ST8SIA4: variants seen among roughly 807,000 people sequenced by gnomAD.
ST8SIA4 encodes the protein CMP-N-acetylneuraminate-poly-alpha-2,8-sialyltransferase.
ST8SIA4 carries 15 observed loss-of-function variants against 33.9 expected under a neutral mutation model. The observed-to-expected ratio is 0.44, with a 90% CI of 0.30 to 0.68. The LOEUF (loss-of-function observed/expected upper bound fraction) is 0.68. Ranked by LOEUF, ST8SIA4 falls within the 30% of genes least tolerant of loss-of-function variation. ST8SIA4 has a pLI of 0.10. For missense variants in ST8SIA4, 321 were observed against 428.0 expected (o/e 0.75, Z 2.21); for synonymous variants, 171 against 151.2 (o/e 1.13, Z -0.96).
In ST8SIA4 at chr5:100,863,083, T is replaced by C. The variant is rs142786829; in HGVS notation, c.504-6687A>G. ...AAGTGAAGGTTTCATCTTTTCTCAG[T>C]CTTCTGTAAATCCTCCTCCCCAAAG... On this transcript the variant is annotated intron_variant, in intron 3 of 4. Coordinates refer to ENST00000231461, the MANE Select transcript of ST8SIA4 (RefSeq NM_005668.6). Among the ~76,000 whole-genome samples the C allele has an allele frequency of 8.0e-3, 1,222 of 152,292 alleles. 9 individuals carry two copies. The highest frequency in any genetic ancestry group is 0.022 in the African/African-American group (931 of 41,556).
At position 100,877,348 on chromosome 5, in the gene ST8SIA4, T is replaced by C. The variant is rs553737735; in HGVS notation, c.503+8995A>G. 7.2e-5 allele frequency among the ~76,000 whole-genome samples: 11 copies of C among 152,274 alleles called. No individual in the cohort carries two copies. In the South Asian group the frequency reaches 2.3e-3, roughly 32 times the overall value. On this transcript the variant is annotated intron_variant, in intron 3 of 4. Transcript: ENST00000231461. ...CTATTTCAAGAAAGAATAATGAGGA[T>C]TGATTAAATTTGAAGCAAAAATTCT...
At chr5:100,886,147 T>C (rs1194238461) in intron 3 of ST8SIA4, 196 bp downstream of exon 3, 1 of 1,367,420 alleles carries the variant, frequency 7.3e-7, no homozygotes, top group Non-Finnish European at 9.4e-7. Flanking sequence ...CAGGATCACT[T>C]TTTCTTTCAA....
rs868733908 is a variant in ST8SIA4 at position 100,886,568 on chromosome 5, C to T, written c.278G>A (p.Arg93Gln). ...KNILRFLDAE[R>Q]DVSVVKSSFK... ...ACTGCTCTTGACCACTGACACATCT[C>T]GTTCTGCATCTAAGAAACGAAGTAT... Residue 93 changes from arginine to glutamine, a missense_variant, in exon 3 of 5, where the codon CGA becomes CAA. Coordinates refer to ENST00000231461, the MANE Select transcript of ST8SIA4 (RefSeq NM_005668.6). The T allele has an allele frequency of 1.2e-6, 2 of 1,613,684 alleles. No homozygotes were observed. Among genetic ancestry groups the T allele is most frequent in the Non-Finnish European group, 1.7e-6 (2 of 1,179,666 alleles).
intron 3 of ST8SIA4, among the ~76,000 whole-genome samples, chr5:100,878,036 T>A (rs536834134): frequency 3.9e-5 from 6 of 152,304 alleles, no homozygotes; most frequent in Non-Finnish European, 5.9e-5. Flanking sequence ...GTTTGGTTCA[T>A]CATTAATATT....
rs574892055 is a variant in ST8SIA4, at chr5:100,832,713, T to C, written c.798-20584A>G. Among the ~76,000 whole-genome samples, 13 of 152,248 alleles carry C rather than the reference T, an allele frequency of 8.5e-5. No individual in the cohort carries two copies. In the East Asian group the frequency reaches 2.1e-3, roughly 25 times the overall value. ...CAAATTAACCTCTAAAATGTTCTTA[T>C]AGGCTCCTGTTACATCATTCGAGGC... On this transcript the variant is annotated intron_variant, in intron 4 of 4. Transcript: ENST00000231461.
intron 1 of ST8SIA4, among the ~76,000 whole-genome samples, chr5:100,897,475 G>A (rs959960266): frequency 4.0e-5 from 6 of 151,788 alleles, no homozygotes; most frequent in Non-Finnish European, 7.4e-5. Flanking sequence ...TCTTTACATC[G>A]CCTTTTACTT....
intron 4 of ST8SIA4, among the ~76,000 whole-genome samples, chr5:100,846,932 C>A (rs1751584341): frequency 6.6e-6 from 1 of 152,050 alleles, no homozygotes; most frequent in Non-Finnish European, 1.5e-5. Context: ...ATAACGGGAT[C>A]TGCTAGGAAA....
chr5:100,814,073 G>A (rs147886814), intron 4 of ST8SIA4, among the ~76,000 whole-genome samples: 2 of 152,098 alleles, frequency 1.3e-5, no homozygotes, highest in East Asian at 3.9e-4. Flanking sequence ...TGTAACTATG[G>A]TTGCTCATTG....
chr5:100,829,937 A>C lies in ST8SIA4; in HGVS notation c.798-17808T>G, dbSNP rs565121232. 3.7e-3 allele frequency among the ~76,000 whole-genome samples: 557 copies of C among 152,018 alleles called. 2 individuals are homozygous for C. Among genetic ancestry groups the C allele is most frequent in the African/African-American group, 0.013 (532 of 41,488 alleles). On this transcript the variant is annotated intron_variant, in intron 4 of 4. Transcript: ENST00000231461. ...AAAAAAAAAAAAGAATTACTACAAC[A>C]CTTCTATCTAGCAACATATTCTTCT...
chr5:100,887,743 T>G (rs1338220828), intron 2 of ST8SIA4, among the ~76,000 whole-genome samples: 1 of 152,034 alleles, frequency 6.6e-6, no homozygotes, highest in Non-Finnish European at 1.5e-5. Flanking sequence ...ATGTTGTTCT[T>G]GAATAATTGT....
chr5:100,820,310 G>A (rs888427578), intron 4 of ST8SIA4, among the ~76,000 whole-genome samples: 2 of 152,076 alleles, frequency 1.3e-5, no homozygotes, highest in Admixed American at 6.6e-5. Context: ...ATAACATGCA[G>A]CATTTCTCTT....
chr5:100,886,284 A>G, intron 3 of ST8SIA4, 59 bp downstream of exon 3: 1 of 1,568,252 alleles, frequency 6.4e-7, no homozygotes, highest in Non-Finnish European at 8.6e-7. Context: ...ACAGTTTTCC[A>G]CCCCCAAGTA....
intron 4 of ST8SIA4, among the ~76,000 whole-genome samples, chr5:100,826,244 G>A (rs765063354): frequency 4.6e-5 from 7 of 151,964 alleles, no homozygotes; most frequent in African/African-American, 9.7e-5. Flanking sequence ...TCCCCTATTC[G>A]TTGTTTCTTC....
At chr5:100,841,941 T>G (rs1011746188) in intron 4 of ST8SIA4, among the ~76,000 whole-genome samples, 1 of 151,892 alleles carries the variant, frequency 6.6e-6, no homozygotes, top group African/African-American at 2.4e-5. Context: ...CTGGTTTTGT[T>G]GCTTGAGGAA....
rs866273378 is a variant in ST8SIA4, at chr5:100,876,118, A to G, written c.503+10225T>C. ...GTATTTAATAATACCAGAAATACAG[A>G]TGTTATCTGAAGGATAAAAGAAATT... On this transcript the variant is annotated intron_variant, in intron 3 of 4. Coordinates refer to ENST00000231461, the MANE Select transcript of ST8SIA4 (RefSeq NM_005668.6). Among the ~76,000 whole-genome samples, 4 of 152,244 alleles carry G rather than the reference A, an allele frequency of 2.6e-5. No homozygotes were observed. In the South Asian group the frequency reaches 8.3e-4, roughly 32 times the overall value.
rs1750750731 is a variant in ST8SIA4 at position 100,809,022 on chromosome 5, G to A, written c.*2825C>T. 6.6e-6 allele frequency: 1 copy of A among 152,454 alleles called. No individual in the cohort carries two copies. The highest frequency in any genetic ancestry group is 2.1e-4 in the South Asian group (1 of 4,828). 9.4% of individuals were successfully genotyped at this position (152,454 alleles called of 1,614,324 possible). On this transcript the variant is annotated 3_prime_UTR_variant, in exon 5 of 5. Transcript: ENST00000231461. ...ATTTAGAGAACACAAAGGATATGGTGACAAAGTAATGTGAAAAAGCTAAAA... is the reference window on the plus strand; with the variant it reads ...ATTTAGAGAACACAAAGGATATGGTAACAAAGTAATGTGAAAAAGCTAAAA...
At chr5:100,840,174 C>G (rs982310708) in intron 4 of ST8SIA4, among the ~76,000 whole-genome samples, 1 of 151,646 alleles carries the variant, frequency 6.6e-6, no homozygotes, top group Non-Finnish European at 1.5e-5. Context: ...TTAGATTTCT[C>G]CAAGTTCTTA....
intron 3 of ST8SIA4, chr5:100,885,733 C>G: frequency 1.1e-6 from 1 of 941,022 alleles, no homozygotes; most frequent in Non-Finnish European, 1.3e-6. Flanking sequence ...GTTAATCAAA[C>G]ACACAATTCA....
chr5:100,843,735 A>T (rs1389395593), intron 4 of ST8SIA4, among the ~76,000 whole-genome samples: 1 of 151,962 alleles, frequency 6.6e-6, no homozygotes, highest in East Asian at 1.9e-4. Context: ...ATGCGTTATC[A>T]TGAGGAATGG....
Sources: gnomAD v4.1 joint callset for allele counts (sites outside exome capture counted in the v4.1 genomes callset) on GRCh38, gnomAD v4.1.1 for gene constraint, MANE v1.5 for transcripts, NCBI Gene and HGNC (gene_info 2026-07-23, HGNC 2026-07-21) for gene names.